The following SPAG17 variants were observed in gnomAD, a reference collection of about 807,000 sequenced individuals.
SPAG17 encodes sperm associated antigen 17, also known as sperm-associated antigen 17.
Under a neutral mutation model 273.6 loss-of-function variants are expected in SPAG17, and 169 were observed. The observed-to-expected ratio is 0.62, with a 90% confidence interval of 0.55 to 0.70. SPAG17 has a LOEUF of 0.70. SPAG17 is among the 30% of genes least tolerant of loss of function. The pLI, the probability that SPAG17 is intolerant of heterozygous loss-of-function variation, is 0.00. For synonymous variants in SPAG17, 825 were observed against 873.2 expected, an observed-to-expected ratio of 0.94 and a Z score of 0.97; for missense variants, 2,557 against 2,627.8, an observed-to-expected ratio of 0.97 and a Z score of 0.59.
At position 118,091,946 on chromosome 1, in the gene SPAG17, C is replaced by T. The variant is rs779210101; in HGVS notation, c.1230G>A (p.Pro410=). The change falls in exon 9 of 49, where the codon CCG becomes CCA. Residue 410 remains proline, a synonymous_variant. Transcript: ENST00000336338. The part of the protein sequence containing the change: ...PGKKKAQYEE[P]QAPPPVTSVI... ...CATACATGCCTGGTGGTGGAGCTTG[C>T]GGTTCTTCATACTGTGCTTTCTTCT... The T allele has an allele frequency of 6.2e-6, 10 of 1,613,496 alleles. No individual in the cohort carries two copies. The highest frequency in any genetic ancestry group is 3.3e-5 in the Admixed American group (2 of 59,978).
chr1:118,099,415 G>T (rs1382058658), intron 6 of SPAG17, among the ~76,000 whole-genome samples, 191 bp downstream of exon 6: 1 of 152,132 alleles, frequency 6.6e-6, no homozygotes, highest in Non-Finnish European at 1.5e-5. Context: ...ATAAATACAG[G>T]GTATGATTTT....
intron 29 of SPAG17, among the ~76,000 whole-genome samples, chr1:118,014,492 C>T (rs776948988): frequency 1.3e-5 from 2 of 152,146 alleles, no homozygotes; most frequent in Non-Finnish European, 1.5e-5. Context: ...CATTAAAAAA[C>T]CTCGGGAAAC....
intron 1 of SPAG17, among the ~76,000 whole-genome samples, chr1:118,178,193 C>T (rs1351817756): frequency 6.6e-6 from 1 of 151,964 alleles, no homozygotes. Flanking sequence ...ACTTTTGCAC[C>T]AACCTAATAC....
chr1:118,180,694 C>T (rs1660900206), intron 1 of SPAG17, among the ~76,000 whole-genome samples: 1 of 151,866 alleles, frequency 6.6e-6, no homozygotes, highest in Non-Finnish European at 1.5e-5. Context: ...TAAATTATGA[C>T]ATGTACCTCT....
intron 3 of SPAG17, among the ~76,000 whole-genome samples, chr1:118,124,514 G>A (rs1169563659): frequency 6.6e-6 from 1 of 152,162 alleles, no homozygotes; most frequent in Non-Finnish European, 1.5e-5. Context: ...GGCATCTCTA[G>A]AGCTTTTTGT....
At chr1:117,954,532 C>T (rs748424373) in intron 48 of SPAG17, 75 of 1,574,002 alleles carry the variant, frequency 4.8e-5, no homozygotes, top group Non-Finnish European at 5.8e-5. Flanking sequence ...ACAAGTGCTA[C>T]CTAAGTCTCA....
At chr1:118,014,049 T>C (rs944954249) in intron 29 of SPAG17, among the ~76,000 whole-genome samples, 1 of 152,244 alleles carries the variant, frequency 6.6e-6, no homozygotes, top group Non-Finnish European at 1.5e-5. Flanking sequence ...TTGTTTCATA[T>C]GCCAGTTTCT....
chr1:118,004,515 G>A (rs1282195209), intron 32 of SPAG17, among the ~76,000 whole-genome samples: 1 of 152,234 alleles, frequency 6.6e-6, no homozygotes, highest in African/African-American at 2.4e-5. Flanking sequence ...TCAAGCCTCA[G>A]CAATGGCGGA....
At chr1:117,969,100 T>TA (rs772593292) in intron 46 of SPAG17, among the ~76,000 whole-genome samples, 120 of 152,352 alleles carry the variant, frequency 7.9e-4, no homozygotes, top group Non-Finnish European at 1.4e-3. Flanking sequence ...AAGATGAACT[T>TA]ACGTTTACAT....
intron 4 of SPAG17, among the ~76,000 whole-genome samples, chr1:118,104,251 T>A (rs1490046046): frequency 6.6e-6 from 1 of 152,182 alleles, no homozygotes; most frequent in East Asian, 1.9e-4. Context: ...AAAGATTAGA[T>A]ATGAAGTCTG....
At chr1:118,179,223 C>G (rs759140319) in intron 1 of SPAG17, among the ~76,000 whole-genome samples, 1 of 151,780 alleles carries the variant, frequency 6.6e-6, no homozygotes, top group Non-Finnish European at 1.5e-5. Flanking sequence ...ATGGGACTCA[C>G]ATAAAAATGG....
intron 48 of SPAG17, 37 bp from the exon 49 acceptor site, chr1:117,954,086 C>G (rs1651803983): frequency 1.9e-6 from 3 of 1,611,310 alleles, no homozygotes; most frequent in Non-Finnish European, 2.5e-6. Context: ...ATTTGTAAAG[C>G]TGCAGGGAAA....
chr1:118,116,468 G>T (rs1405651875), intron 3 of SPAG17, among the ~76,000 whole-genome samples: 1 of 152,030 alleles, frequency 6.6e-6, no homozygotes, highest in Non-Finnish European at 1.5e-5. Context: ...GGCGCATATG[G>T]TGTCAATTTC....
At position 117,966,636 on chromosome 1, in the gene SPAG17, C is replaced by T; in HGVS notation, c.6505G>A (p.Glu2169Lys). The T allele has an allele frequency of 6.2e-7, 1 of 1,613,230 alleles. No homozygotes were observed. The highest frequency in any genetic ancestry group is 8.5e-7 in the Non-Finnish European group (1 of 1,179,690). ...SHNIEIMTEH[E>K]VLFLPVEATV... ...GCTTCCACAGGTAGGAACAGAACCTCATGCTCTGTCATAATCTCGATATTG... is the reference window on the plus strand; with the variant it reads ...GCTTCCACAGGTAGGAACAGAACCTTATGCTCTGTCATAATCTCGATATTG... Residue 2169 changes from glutamate to lysine, a missense_variant, in exon 47 of 49, where the codon GAG (glutamate) becomes AAG (lysine). By Grantham distance (56) the Glu-to-Lys change is moderately conservative. Coordinates refer to ENST00000336338, the MANE Select transcript of SPAG17 (RefSeq NM_206996.4).
intron 15 of SPAG17, among the ~76,000 whole-genome samples, chr1:118,075,496 T>C (rs975926691): frequency 1.3e-5 from 2 of 152,230 alleles, no homozygotes; most frequent in African/African-American, 2.4e-5. Flanking sequence ...GAATTTGTAA[T>C]TTGCTCTTGT....
intron 48 of SPAG17, chr1:117,960,105 C>T (rs1203289189): frequency 2.3e-5 from 3 of 128,428 alleles, no homozygotes; most frequent in African/African-American, 9.1e-5. Flanking sequence ...GGAATTAATA[C>T]ACTCGTGTGT....
intron 10 of SPAG17, among the ~76,000 whole-genome samples, chr1:118,087,990 T>C (rs566512743): frequency 3.5e-4 from 53 of 152,316 alleles, no homozygotes; most frequent in African/African-American, 1.1e-3. Flanking sequence ...CAAAATCACT[T>C]CCTGTTGAGA....
At chr1:118,033,779 A>G (rs984271125) in intron 24 of SPAG17, among the ~76,000 whole-genome samples, 6 of 152,216 alleles carry the variant, frequency 3.9e-5, no homozygotes, top group Admixed American at 2.6e-4. Context: ...GTGTTTATTA[A>G]CATGGTTCTT....
chr1:118,160,302 A>AATT (rs757632513), intron 1 of SPAG17, among the ~76,000 whole-genome samples: 98 of 152,342 alleles, frequency 6.4e-4, no homozygotes, highest in Non-Finnish European at 2.1e-4. Context: ...TTTAAGACTT[A>AATT]ATGTTAGCTC....
Sources: gnomAD v4.1 joint callset for allele counts (sites outside exome capture counted in the v4.1 genomes callset) on GRCh38, gnomAD v4.1.1 for gene constraint, MANE v1.5 for transcripts, NCBI Gene and HGNC (gene_info 2026-07-23, HGNC 2026-07-21) for gene names.